MYO5B: variants seen among roughly 807,000 people sequenced by gnomAD.
MYO5B encodes myosin VB.
In MYO5B, 143 loss-of-function variants were observed where a neutral mutation model predicts 229.3. The ratio of observed to expected loss-of-function variants is 0.62; its 90% CI spans 0.54 to 0.72. The LOEUF is 0.72. Ranked by LOEUF, MYO5B falls within the 30% of genes least tolerant of loss-of-function variation. The probability of loss-of-function intolerance (pLI) is 0.00; values close to 1 mark genes in which losing one functional copy is unlikely to be tolerated. For missense variants in MYO5B, 2,321 were observed against 2,331.0 expected, an observed-to-expected ratio of 1.00 and a Z score of 0.09; for synonymous variants, 918 against 885.2, an observed-to-expected ratio of 1.04 and a Z score of -0.66.
intron 1 of MYO5B, among the ~76,000 whole-genome samples, chr18:50,110,369 C>T (rs1439084364): frequency 6.6e-6 from 1 of 152,158 alleles, no homozygotes; most frequent in East Asian, 1.9e-4. Flanking sequence ...TCCCACCTTC[C>T]TCCCTCATTT....
intron 1 of MYO5B, among the ~76,000 whole-genome samples, chr18:50,152,841 G>A (rs377731491): frequency 4.4e-4 from 36 of 81,012 alleles, no homozygotes; most frequent in African/African-American, 1.4e-3. Context: ...TTCATTAAAA[G>A]AAATAGTATG....
At chr18:50,035,485 G>A (rs959218764) in intron 4 of MYO5B, among the ~76,000 whole-genome samples, 1 of 152,186 alleles carries the variant, frequency 6.6e-6, no homozygotes, top group African/African-American at 2.4e-5. Flanking sequence ...CCAAAGCACA[G>A]AATCCGTTCA....
chr18:49,984,893 G>T lies in MYO5B; in HGVS notation c.839-68C>A, dbSNP rs985388027. 1.2e-5 allele frequency: 14 copies of T among 1,160,958 alleles called. No individual in the cohort carries two copies. The East Asian group carries it at 2.4e-4, about 19-fold the overall frequency. 71.9% of individuals were successfully genotyped at this position (1,160,958 alleles called of 1,614,324 possible). The stretch of plus-strand genomic sequence containing the variant: ...CTTCATCCCACAGATCGTGACCCAT[G>T]AAAATTCTACTCCGTTAGCATGCTA... On this transcript the variant is annotated intron_variant, in intron 7 of 39. Coordinates refer to ENST00000285039, the MANE Select transcript of MYO5B (RefSeq NM_001080467.3).
At chr18:49,999,155 G>A (rs927388333) in intron 5 of MYO5B, among the ~76,000 whole-genome samples, 2 of 152,094 alleles carry the variant, frequency 1.3e-5, no homozygotes, top group Admixed American at 6.5e-5. Context: ...CTTGTCTTTC[G>A]TTTTGCTCAG....
At chr18:50,182,749 A>G (rs2033090434) in intron 1 of MYO5B, among the ~76,000 whole-genome samples, 1 of 152,226 alleles carries the variant, frequency 6.6e-6, no homozygotes, top group Non-Finnish European at 1.5e-5. Flanking sequence ...CCTTTCCAAA[A>G]TCACAGAAGG....
At chr18:50,025,222 C>A (rs1020068469) in intron 4 of MYO5B, among the ~76,000 whole-genome samples, 14 of 152,230 alleles carry the variant, frequency 9.2e-5, no homozygotes, top group Admixed American at 2.0e-4. Flanking sequence ...TGATTGACAT[C>A]ATCCATTCCC....
intron 1 of MYO5B, among the ~76,000 whole-genome samples, chr18:50,160,828 C>T (rs529578246): frequency 6.6e-6 from 1 of 152,316 alleles, no homozygotes; most frequent in East Asian, 1.9e-4. Context: ...ACTCTCGATT[C>T]CCTACACAGT....
intron 1 of MYO5B, among the ~76,000 whole-genome samples, chr18:50,081,124 C>G (rs1012782460): frequency 6.6e-6 from 1 of 152,198 alleles, no homozygotes. Flanking sequence ...GTGACTTCAC[C>G]AGCTTTCCCT....
chr18:50,035,522 A>C (rs1459334785), intron 4 of MYO5B, among the ~76,000 whole-genome samples: 2 of 152,204 alleles, frequency 1.3e-5, no homozygotes, highest in Non-Finnish European at 1.5e-5. Flanking sequence ...CCTCTGTGCC[A>C]TACCCGCGGC....
In MYO5B at chr18:50,184,889, C is replaced by CAT. The variant is rs1245333738; in HGVS notation, c.27+9877_27+9878insAT. Among the ~76,000 whole-genome samples, 19 of 71,004 alleles carry CAT rather than the reference C, an allele frequency of 2.7e-4. No homozygotes were observed. The Admixed American group carries it at 3.2e-3, about 12-fold the overall frequency. The allele number at this position is 71,004 out of a possible 152,430, so 46.6% of individuals were successfully genotyped here. Reference sequence around the variant, plus strand: ...CCCTATCTCTACACACACACACACACACACAGAAAAAAATATATATATATA... The same window carrying CAT: ...CCCTATCTCTACACACACACACACACATACACAGAAAAAAATATATATATATA... On this transcript the variant is annotated intron_variant, in intron 1 of 39. Coordinates refer to ENST00000285039, the MANE Select transcript of MYO5B (RefSeq NM_001080467.3).
At chr18:50,043,503 A>ATT in intron 2 of MYO5B, among the ~76,000 whole-genome samples, 8 of 120,018 alleles carry the variant, frequency 6.7e-5, no homozygotes, top group African/African-American at 2.7e-4. Context: ...ATATATAAAT[A>ATT]TAAATATATT....
At chr18:49,959,910 A>G (rs1341437316) in intron 12 of MYO5B, among the ~76,000 whole-genome samples, 1 of 152,102 alleles carries the variant, frequency 6.6e-6, no homozygotes, top group Non-Finnish European at 1.5e-5. Context: ...ACCTTCTTGG[A>G]GGAGTGGGCT....
intron 1 of MYO5B, among the ~76,000 whole-genome samples, chr18:50,137,129 T>C (rs2032348753): frequency 6.6e-6 from 1 of 152,196 alleles, no homozygotes; most frequent in East Asian, 1.9e-4. Context: ...TTTCAAGCAT[T>C]GCAAAAAGAA....
chr18:49,981,850 C>T (rs2025818870), intron 8 of MYO5B, among the ~76,000 whole-genome samples: 1 of 152,178 alleles, frequency 6.6e-6, no homozygotes, highest in African/African-American at 2.4e-5. Context: ...TAACTGAATA[C>T]ACCTGGTGAA....
intron 14 of MYO5B, among the ~76,000 whole-genome samples, chr18:49,940,178 G>A (rs1280819160): frequency 2.0e-5 from 3 of 152,156 alleles, no homozygotes; most frequent in Non-Finnish European, 2.9e-5. Flanking sequence ...ACTATTCTAG[G>A]TGAATTCAAA....
In MYO5B at chr18:49,826,498, G is replaced by A. The variant is rs2023847904; in HGVS notation, c.5520C>T (p.Leu1840=). 2 of 1,614,032 alleles carry A rather than the reference G, an allele frequency of 1.2e-6. No individual in the cohort carries two copies. The highest frequency in any genetic ancestry group is 1.7e-6 in the Non-Finnish European group (2 of 1,179,942). The part of the protein sequence containing the change: ...TMDSIHIPAC[L]NLEFLNEV ...AGACTTCATTGAGGAATTCCAGATT[G>A]AGACACGCTGGGATGTGGATTGAGT... The change falls in exon 40 of 40, where the codon CTC becomes CTT. Residue 1840 remains leucine (L), a synonymous_variant. Coordinates refer to ENST00000285039, the MANE Select transcript of MYO5B (RefSeq NM_001080467.3).
intron 5 of MYO5B, among the ~76,000 whole-genome samples, chr18:49,998,297 G>A (rs2026011319): frequency 6.6e-6 from 1 of 152,096 alleles, no homozygotes; most frequent in Non-Finnish European, 1.5e-5. Flanking sequence ...ATTTGCACAA[G>A]GCAGAAAATT....
chr18:50,104,755 G>A (rs1254469530), intron 1 of MYO5B, among the ~76,000 whole-genome samples: 4 of 152,134 alleles, frequency 2.6e-5, no homozygotes, highest in Non-Finnish European at 5.9e-5. Flanking sequence ...CTGGGTCCTA[G>A]GGGAAAATTC....
chr18:49,905,669 T>C (rs2024890948), intron 19 of MYO5B, among the ~76,000 whole-genome samples: 1 of 152,196 alleles, frequency 6.6e-6, no homozygotes, highest in Non-Finnish European at 1.5e-5. Flanking sequence ...GTCACTTCTC[T>C]AAGGAAATTC....
Sources: gnomAD v4.1 joint callset for allele counts (sites outside exome capture counted in the v4.1 genomes callset) on GRCh38, gnomAD v4.1.1 for gene constraint, MANE v1.5 for transcripts, NCBI Gene and HGNC (gene_info 2026-07-23, HGNC 2026-07-21) for gene names.